The following RNF152 variants were observed in gnomAD, a reference collection of about 807,000 sequenced individuals.
RNF152 encodes the protein E3 ubiquitin-protein ligase RNF152.
A neutral mutation model predicts 12.7 loss-of-function variants in RNF152; 11 were observed. That is an observed-to-expected ratio of 0.86 (90% CI 0.54 to 1.43). RNF152 has a LOEUF of 1.43. Among genes scored for constraint, RNF152 ranks in the 40% most tolerant of loss-of-function variants. RNF152 has a pLI of 0.00. For missense variants in RNF152, 255 were observed against 274.8 expected, an observed-to-expected ratio of 0.93 and a Z score of 0.51; for synonymous variants, 113 against 120.3, an observed-to-expected ratio of 0.94 and a Z score of 0.40.
rs1444601916 is a variant in RNF152, at chr18:61,816,466, T to C, written c.-3A>G. Reference sequence around the variant, plus strand: ...GAGTCCTGGGACAGCGTCTCCATGGTGGACCGTGAGCAGGAAGGGCAAGGC... The same window carrying C: ...GAGTCCTGGGACAGCGTCTCCATGGCGGACCGTGAGCAGGAAGGGCAAGGC... On this transcript the variant is annotated 5_prime_UTR_variant, in exon 2 of 2. Transcript: ENST00000312828. 7 of 1,593,178 alleles carry C rather than the reference T, an allele frequency of 4.4e-6. No individual in the cohort carries two copies. The Admixed American group carries it at 8.4e-5, about 19-fold the overall frequency.
At position 61,855,356 on chromosome 18, in the gene RNF152, G is replaced by A. The variant is rs186979179; in HGVS notation, c.-136+37439C>T. On this transcript the variant is annotated intron_variant, in intron 1 of 1. Transcript: ENST00000312828. ...ATGATATCATAGTGATGGCAGAAGC[G>A]GCCTGTTTGGAGCAGCCACTGCAGG... Among the ~76,000 whole-genome samples the A allele has an allele frequency of 2.1e-3, 323 of 152,336 alleles. 1 individual carries two copies. Among genetic ancestry groups the A allele is most frequent in the Middle Eastern group, 6.8e-3 (2 of 294 alleles).
intron 1 of RNF152, among the ~76,000 whole-genome samples, chr18:61,866,415 G>C (rs1230218935): frequency 6.6e-6 from 1 of 151,306 alleles, no homozygotes; most frequent in East Asian, 2.0e-4. Flanking sequence ...CCAAGCTACA[G>C]AGTGAGAATC....
Position 61,860,060 on chromosome 18 carries a change from C to G in RNF152, c.-136+32735G>C, listed in dbSNP as rs1443861518. Among the ~76,000 whole-genome samples, 5 of 151,998 alleles carry G rather than the reference C, an allele frequency of 3.3e-5. No homozygotes were observed. In the East Asian group the frequency reaches 9.7e-4, roughly 29 times the overall value. ...ATACAGAAAAGACTCAGAAAAGACT[C>G]ACAAGGAGAGACAGCCATGTGATGA... On this transcript the variant is annotated intron_variant, in intron 1 of 1. Transcript: ENST00000312828.
At chr18:61,892,724 G>A (rs530370675) in intron 1 of RNF152, 71 bp downstream of exon 1, 1 of 152,378 alleles carries the variant, frequency 6.6e-6, no homozygotes, top group South Asian at 2.1e-4. Flanking sequence ...CACCCAAACA[G>A]CCCTGTGCCA....
chr18:61,846,282 T>C (rs1254187822), intron 1 of RNF152, among the ~76,000 whole-genome samples: 1 of 152,150 alleles, frequency 6.6e-6, no homozygotes, highest in Non-Finnish European at 1.5e-5. Context: ...CCCAAAAAAC[T>C]GTCTTTGGGG....
At chr18:61,854,686 A>G (rs774605567) in intron 1 of RNF152, among the ~76,000 whole-genome samples, 5 of 152,170 alleles carry the variant, frequency 3.3e-5, no homozygotes, top group Non-Finnish European at 7.3e-5. Flanking sequence ...TCATACTGCT[A>G]TTGGTAACCT....
chr18:61,869,073 C>A (rs1280306905), intron 1 of RNF152, among the ~76,000 whole-genome samples: 1 of 152,168 alleles, frequency 6.6e-6, no homozygotes, highest in South Asian at 2.1e-4. Context: ...AATATTCTAA[C>A]ATCTCAGAGG....
chr18:61,815,609 T>C lies in RNF152; in HGVS notation c.*243A>G. 1.9e-6 allele frequency: 1 copy of C among 516,144 alleles called. No homozygotes were observed. Among genetic ancestry groups the C allele is most frequent in the South Asian group, 2.7e-5 (1 of 36,804 alleles). 32.0% of individuals were successfully genotyped at this position (516,144 alleles called of 1,614,324 possible). On this transcript the variant is annotated 3_prime_UTR_variant, in exon 2 of 2. Coordinates refer to ENST00000312828, the MANE Select transcript of RNF152 (RefSeq NM_173557.3). ...TTACAGTCCATTGAATACATGATTA[T>C]GAGGATGCATGCAATCATCTTCCAA...
At chr18:61,868,350 C>T (rs576725978) in intron 1 of RNF152, among the ~76,000 whole-genome samples, 1 of 152,192 alleles carries the variant, frequency 6.6e-6, no homozygotes, top group Admixed American at 6.5e-5. Context: ...CAGAGGTAAA[C>T]CCAGCCCAGC....
chr18:61,840,731 C>T (rs1910414727), intron 1 of RNF152, among the ~76,000 whole-genome samples: 1 of 151,828 alleles, frequency 6.6e-6, no homozygotes, highest in African/African-American at 2.4e-5. Flanking sequence ...ATTGAAAAAT[C>T]CAAAAAGGAT....
At chr18:61,875,511 T>C (rs1420237912) in intron 1 of RNF152, among the ~76,000 whole-genome samples, 1 of 152,182 alleles carries the variant, frequency 6.6e-6, no homozygotes, top group Non-Finnish European at 1.5e-5. Flanking sequence ...AGAGAGCTTC[T>C]CTCCCTGGTG....
intron 1 of RNF152, among the ~76,000 whole-genome samples, chr18:61,878,381 C>G (rs1265640577): frequency 3.3e-5 from 5 of 152,196 alleles, no homozygotes; most frequent in African/African-American, 7.2e-5. Flanking sequence ...TGGTGAGCAT[C>G]TAGCCAGCCT....
intron 1 of RNF152, among the ~76,000 whole-genome samples, chr18:61,845,739 A>G (rs1050499852): frequency 2.6e-5 from 4 of 152,178 alleles, no homozygotes; most frequent in Non-Finnish European, 5.9e-5. Flanking sequence ...AGCCCGAATA[A>G]TAGTACTCCT....
At chr18:61,847,670 C>A (rs1266868277) in intron 1 of RNF152, among the ~76,000 whole-genome samples, 1 of 152,172 alleles carries the variant, frequency 6.6e-6, no homozygotes, top group South Asian at 2.1e-4. Context: ...AACAGTCATG[C>A]GTTTGAGATC....
intron 1 of RNF152, among the ~76,000 whole-genome samples, chr18:61,829,562 G>A (rs368087652): frequency 3.7e-4 from 56 of 150,144 alleles, no homozygotes; most frequent in East Asian, 2.0e-3. Context: ...GAGGGAGAGA[G>A]AGAGATTGGG....
At chr18:61,849,320 C>A (rs1277600665) in intron 1 of RNF152, among the ~76,000 whole-genome samples, 3 of 152,186 alleles carry the variant, frequency 2.0e-5, no homozygotes, top group Non-Finnish European at 4.4e-5. Flanking sequence ...TACATTTTTG[C>A]TACCTTGAAG....
In RNF152 at chr18:61,816,355, C is replaced by T. The variant is rs759901876; in HGVS notation, c.109G>A (p.Val37Met). 1.9e-6 allele frequency: 3 copies of T among 1,614,244 alleles called. No homozygotes were observed. The highest frequency in any genetic ancestry group is 1.7e-6 in the Non-Finnish European group (2 of 1,180,050). ...LLDCKHTCCSVCLQQMRTSQK... is the reference protein window; with the variant it reads ...LLDCKHTCCSMCLQQMRTSQK... The stretch of plus-strand genomic sequence containing the variant: ...CTGGTCCTCATCTGCTGCAGGCACA[C>T]TGAACAGCAGGTGTGCTTGCAGTCC... The change falls in exon 2 of 2, where the codon GTG becomes ATG. Residue 37 changes from valine to methionine, a missense_variant. Transcript: ENST00000312828.
chr18:61,871,329 C>T (rs1911988055), intron 1 of RNF152, among the ~76,000 whole-genome samples: 1 of 152,060 alleles, frequency 6.6e-6, no homozygotes. Context: ...CCTTAGACTA[C>T]TATTCTGAGA....
rs539583378 is a variant in RNF152, at chr18:61,838,304, C to G, written c.-135-21706G>C. Among the ~76,000 whole-genome samples, 4 of 152,200 alleles carry G rather than the reference C, an allele frequency of 2.6e-5. No individual in the cohort carries two copies. The South Asian group carries it at 8.3e-4, about 31-fold the overall frequency. ...ATATGAAACACAAACAATCCTAATT[C>G]AATTTCAGACTCCTCTTTTGGCTTT... On this transcript the variant is annotated intron_variant, in intron 1 of 1. Transcript: ENST00000312828.
Sources: gnomAD v4.1 joint callset for allele counts (sites outside exome capture counted in the v4.1 genomes callset) on GRCh38, gnomAD v4.1.1 for gene constraint, MANE v1.5 for transcripts, NCBI Gene and HGNC (gene_info 2026-07-23, HGNC 2026-07-21) for gene names.